MKS1: variants seen among roughly 807,000 people sequenced by gnomAD.
MKS1 encodes the protein MKS transition zone complex subunit 1, also known as tectonic-like complex member MKS1.
Under a neutral mutation model 83.7 loss-of-function variants are expected in MKS1, and 70 were observed. The ratio of observed to expected loss-of-function variants is 0.84; its 90% confidence interval spans 0.69 to 1.02. The LOEUF is 1.02. Ranked by LOEUF, MKS1 falls within the 50% of genes least tolerant of loss-of-function variation. MKS1 has a pLI of 0.00. For missense variants in MKS1, 681 were observed against 726.9 expected (o/e 0.94, Z 0.73); for synonymous variants, 251 against 273.4 (o/e 0.92, Z 0.81).
At chr17:58,210,593 C>A in intron 11 of MKS1, 66 bp downstream of exon 11, 1 of 1,450,430 alleles carries the variant, frequency 6.9e-7, no homozygotes. Flanking sequence ...GGAAAGGAAG[C>A]CTGACCAAAT....
intron 4 of MKS1, 67 bp downstream of exon 4, chr17:58,216,021 A>G: frequency 1.3e-6 from 2 of 1,569,428 alleles, no homozygotes; most frequent in Non-Finnish European, 1.8e-6. Flanking sequence ...AACACACAGA[A>G]CTCAGTGAGG....
At chr17:58,214,971 A>G (rs1191500350) in intron 4 of MKS1, 133 bp from the exon 5 acceptor site, 1 of 1,415,408 alleles carries the variant, frequency 7.1e-7, no homozygotes, top group African/African-American at 1.4e-5. Context: ...TCACAATTAT[A>G]CATGCTAACG....
chr17:58,208,864 A>T (rs1968696901), intron 11 of MKS1, among the ~76,000 whole-genome samples: 1 of 151,462 alleles, frequency 6.6e-6, no homozygotes, highest in South Asian at 2.1e-4. Flanking sequence ...AGTGGTGATG[A>T]CTCTTAAGGA....
Position 58,206,561 on chromosome 17 carries a change from T to C in MKS1, c.1408-14A>G, listed in dbSNP as rs1194131222. ...CAGGCGTTCCCCCTGTGGCATGCCATTGGGACAGCCTCAGGTTTCTGCTCT... is the reference window on the plus strand; with the variant it reads ...CAGGCGTTCCCCCTGTGGCATGCCACTGGGACAGCCTCAGGTTTCTGCTCT... On this transcript the variant is annotated splice_polypyrimidine_tract_variant and intron_variant, in intron 15 of 17. Coordinates refer to ENST00000393119, the MANE Select transcript of MKS1 (RefSeq NM_017777.4). 1.0e-5 allele frequency: 16 copies of C among 1,605,798 alleles called. No homozygotes were observed. Among genetic ancestry groups the C allele is most frequent in the East Asian group, 2.2e-5 (1 of 44,882 alleles).
In MKS1 at chr17:58,206,025, C is replaced by A; in HGVS notation, c.*54G>T. ...AGACGAAGAGGCAGGAGAGCACTGG[C>A]CTCAGATATCCCCCATCTTGTCCTC... On this transcript the variant is annotated 3_prime_UTR_variant, in exon 18 of 18. Coordinates refer to ENST00000393119, the MANE Select transcript of MKS1 (RefSeq NM_017777.4). 1 of 1,565,584 alleles carries A rather than the reference C, an allele frequency of 6.4e-7. No homozygotes were observed. The highest frequency in any genetic ancestry group is 8.6e-7 in the Non-Finnish European group (1 of 1,156,894).
At position 58,206,493 on chromosome 17, in the gene MKS1, A is replaced by G; in HGVS notation, c.1462T>C (p.Phe488Leu). ...LRTETTGTVT[F>L]RLHCLQQSRA... ...GACTGCTGCAGACAGTGCAAGCGGA[A>G]GGTGACAGTGCCTGTGGTCTCTGTG... The change falls in exon 16 of 18, where the codon TTC becomes CTC. Residue 488 changes from phenylalanine (F) to leucine (L), a missense_variant. Transcript: ENST00000393119. The G allele has an allele frequency of 1.2e-6, 2 of 1,614,108 alleles. No homozygotes were observed. Among genetic ancestry groups the G allele is most frequent in the East Asian group, 4.5e-5 (2 of 44,862 alleles).
In MKS1 at chr17:58,205,480, C is replaced by A. The variant is rs1968447333; in HGVS notation, c.*599G>T. 1 of 1,251,758 alleles carries A rather than the reference C, an allele frequency of 8.0e-7. No individual in the cohort carries two copies. Among genetic ancestry groups the A allele is most frequent in the Non-Finnish European group, 1.0e-6 (1 of 968,974 alleles). 77.5% of individuals were successfully genotyped at this position (1,251,758 alleles called of 1,614,324 possible). A position where few individuals can be genotyped will look rare whatever the true frequency, so the allele number is the denominator to read the frequency against. Reference sequence around the variant, plus strand: ...GTTTATGTAACAAAAAACAAAAAAACAAACAAACAAAAAAACACAGTAAAA... The same window carrying A: ...GTTTATGTAACAAAAAACAAAAAAAAAAACAAACAAAAAAACACAGTAAAA... On this transcript the variant is annotated 3_prime_UTR_variant, in exon 18 of 18. Transcript: ENST00000393119.
intron 15 of MKS1, chr17:58,206,751 C>T (rs1968538562): frequency 1.5e-6 from 1 of 676,928 alleles, no homozygotes; most frequent in Non-Finnish European, 2.6e-6. Context: ...ACATTCCAAC[C>T]TCATTTGAGA....
Position 58,209,655 on chromosome 17 carries a change from G to A in MKS1, c.1024+1004C>T, listed in dbSNP as rs183197983. 9.2e-4 allele frequency among the ~76,000 whole-genome samples: 140 copies of A among 152,324 alleles called. No individual in the cohort carries two copies. Among genetic ancestry groups the A allele is most frequent in the Non-Finnish European group, 1.5e-3 (101 of 68,020 alleles). On this transcript the variant is annotated intron_variant, in intron 11 of 17. Coordinates refer to ENST00000393119, the MANE Select transcript of MKS1 (RefSeq NM_017777.4). The surrounding 1 kb of genome is among the most constrained non-coding windows in gnomAD (Gnocchi z 4.1). The stretch of plus-strand genomic sequence containing the variant: ...ACAAGGTGGGAATGAACCTGGCTGG[G>A]AAGAATGACTGGAAGGTTGTATGGA...
chr17:58,216,355 G>A (rs1375602917), intron 3 of MKS1, 112 bp from the exon 4 acceptor site: 29 of 1,235,242 alleles, frequency 2.3e-5, no homozygotes, highest in Non-Finnish European at 3.3e-5. Flanking sequence ...TATCTGACAT[G>A]TTTTCATAAC....
intron 7 of MKS1, 118 bp downstream of exon 7, chr17:58,213,646 TG>T: frequency 1.2e-6 from 1 of 802,920 alleles, no homozygotes. Flanking sequence ...AACCATTGCC[TG>T]GGAATGTAAA....
Position 58,211,748 on chromosome 17 carries a change from T to G in MKS1, c.915+630A>C, listed in dbSNP as rs140543894. ...TTGCTAATTTTTTTTTTTTTTTTTG[T>G]AGGGATGTGGTCTCACTATGTTGCC... is the stretch of plus-strand genomic sequence containing the variant. On this transcript the variant is annotated intron_variant, in intron 9 of 17. Coordinates refer to ENST00000393119, the MANE Select transcript of MKS1 (RefSeq NM_017777.4). Among the ~76,000 whole-genome samples the G allele has an allele frequency of 4.0e-3, 552 of 139,156 alleles. 5 individuals carry two copies. The highest frequency in any genetic ancestry group is 0.014 in the African/African-American group (518 of 38,022). 91.3% of individuals were successfully genotyped at this position (139,156 alleles called of 152,430 possible).
At position 58,218,643 on chromosome 17, in the gene MKS1, G is replaced by C; in HGVS notation, c.167C>G (p.Thr56Ser). The change falls in exon 2 of 18, where the codon ACT (threonine) becomes AGT (serine). Residue 56 changes from threonine to serine, a missense_variant. This residue lies in a region of MKS1 where 365 missense variants were observed against 383.8 expected (regional missense o/e 0.95). Coordinates refer to ENST00000393119, the MANE Select transcript of MKS1 (RefSeq NM_017777.4). Reference protein sequence around the residue: ...ELGKDLIDLATFRPQPTASGH... With the variant: ...ELGKDLIDLASFRPQPTASGH... ...ACTGGCAGTTGGCTGAGGCCTAAAA[G>C]TGGCCAAGTCTATGAGGTCCTTCCC... The C allele has an allele frequency of 1.2e-6, 2 of 1,613,132 alleles. No homozygotes were observed. The highest frequency in any genetic ancestry group is 1.7e-6 in the Non-Finnish European group (2 of 1,179,146).
chr17:58,211,091 T>C (rs1246964600), intron 9 of MKS1, 69 bp from the exon 10 acceptor site: 1 of 1,539,340 alleles, frequency 6.5e-7, no homozygotes. Context: ...TCCAGCCCCA[T>C]CTACAAATCT....
In MKS1 at chr17:58,207,985, C is replaced by A. The variant is rs889084910; in HGVS notation, c.1182G>T (p.Trp394Cys). 1 of 1,613,982 alleles carries A rather than the reference C, an allele frequency of 6.2e-7. No homozygotes were observed. Among genetic ancestry groups the A allele is most frequent in the Non-Finnish European group, 8.5e-7 (1 of 1,180,010 alleles). Residue 394 changes from tryptophan to cysteine, a missense_variant, in exon 14 of 18, where the codon TGG (tryptophan) becomes TGT (cysteine). Around this residue, in one of 3 missense-constraint regions of MKS1, gnomAD observed 310 missense variants for 321.7 expected, o/e 0.96. Coordinates refer to ENST00000393119, the MANE Select transcript of MKS1 (RefSeq NM_017777.4). ...EDESSDALPE[W>C]PVLYCEVLSL... ...AGAGGACCTCACAGTAGAGCACAGGCCACTCCGGGAGTGCATCTGGGAGCA... is the reference window on the plus strand; with the variant it reads ...AGAGGACCTCACAGTAGAGCACAGGACACTCCGGGAGTGCATCTGGGAGCA...
chr17:58,218,470 A>AAAAAAAAAAAAAAC (rs1969384580), intron 2 of MKS1, 150 bp downstream of exon 2: 1 of 425,608 alleles, frequency 2.3e-6, no homozygotes, highest in African/African-American at 2.3e-5. Context: ...AAAAAAAAAA[A>AAAAAAAAAAAAAAC]AAAAAAAAAA....
chr17:58,208,051 G>C, intron 13 of MKS1, 50 bp from the exon 14 acceptor site: 1 of 1,608,000 alleles, frequency 6.2e-7, no homozygotes, highest in Non-Finnish European at 8.5e-7. Flanking sequence ...TTCACCAAGA[G>C]ACAGCACTGC....
chr17:58,208,666 C>CTT (rs536733808), intron 11 of MKS1, 83 bp from the exon 12 acceptor site: 687 of 1,024,542 alleles, frequency 6.7e-4, no homozygotes, highest in Non-Finnish European at 8.3e-4. Flanking sequence ...TTTTTCTTTT[C>CTT]TTTTTTTTTT....
chr17:58,216,704 C>T lies in MKS1; in HGVS notation c.223G>A (p.Glu75Lys), dbSNP rs763949111. 6.2e-7 allele frequency: 1 copy of T among 1,614,248 alleles called. No homozygotes were observed. The highest frequency in any genetic ancestry group is 1.1e-5 in the South Asian group (1 of 91,078). ...GHRPEEDEEE[E>K]IVIGWQEKLF... Reference sequence around the variant, plus strand: ...TTCTCCTGCCACCCAATCACAATCTCCTCCTCTTCGTCTTCCTCTGGGCGG... The same window carrying T: ...TTCTCCTGCCACCCAATCACAATCTTCTCCTCTTCGTCTTCCTCTGGGCGG... The change falls in exon 3 of 18, where the codon GAG (glutamate) becomes AAG (lysine). Residue 75 changes from glutamate (E) to lysine (K), a missense_variant. Physicochemically the swap from Glu to Lys is moderately conservative, Grantham distance 56. This residue lies in a region of MKS1 where 365 missense variants were observed against 383.8 expected (regional missense o/e 0.95). Transcript: ENST00000393119.
Sources: allele counts gnomAD v4.1 joint callset (sites outside exome capture counted in the v4.1 genomes callset), GRCh38; gene constraint gnomAD v4.1.1; regional missense constraint gnomAD v4.1.1; non-coding constraint Gnocchi (gnomAD v3.1); transcripts MANE v1.5; gene names NCBI Gene and HGNC (gene_info 2026-07-23, HGNC 2026-07-21).